The following EPAS1 variants were observed in gnomAD, a reference collection of about 807,000 sequenced individuals.
EPAS1 encodes endothelial PAS domain-containing protein 1.
In EPAS1, 23 loss-of-function variants were observed where a neutral mutation model predicts 87.9. The ratio of observed to expected loss-of-function variants is 0.26; its 90% CI spans 0.19 to 0.37. The LOEUF (loss-of-function observed/expected upper bound fraction) is 0.37, where lower values mean the gene tolerates loss of function less well. EPAS1 is among the 10% of genes least tolerant of loss of function. The pLI, the probability that EPAS1 is intolerant of heterozygous loss-of-function variation, is 1.00. For missense variants in EPAS1, 1,138 were observed against 1,120.7 expected, an observed-to-expected ratio of 1.02 and a Z score of -0.22; for synonymous variants, 508 against 444.3, an observed-to-expected ratio of 1.14 and a Z score of -1.80.
intron 1 of EPAS1, among the ~76,000 whole-genome samples, chr2:46,320,013 T>G (rs1683422730): frequency 6.6e-6 from 1 of 152,352 alleles, no homozygotes; most frequent in African/African-American, 2.4e-5. Flanking sequence ...TCATTTTGTT[T>G]ATAGTTGTCT....
In EPAS1 at chr2:46,380,722, G is replaced by A. The variant is rs770096403; in HGVS notation, c.2045+5G>A. On this transcript the variant is annotated splice_donor_5th_base_variant and intron_variant, in intron 12 of 15. Transcript: ENST00000263734. The surrounding 1 kb of genome is among the most constrained non-coding windows in gnomAD (Gnocchi z 4.4). Reference sequence around the variant, plus strand: ...TGTCTCCACCTTCAAGACAAGGTAAGTGGCAGATACTCAGCTGTACCAGCA... The same window carrying A: ...TGTCTCCACCTTCAAGACAAGGTAAATGGCAGATACTCAGCTGTACCAGCA... 1.1e-5 allele frequency: 17 copies of A among 1,609,262 alleles called. No homozygotes were observed. The African/African-American group carries it at 1.7e-4, about 16-fold the overall frequency.
At chr2:46,345,520 G>A (rs928251698) in intron 1 of EPAS1, among the ~76,000 whole-genome samples, 3 of 152,052 alleles carry the variant, frequency 2.0e-5, no homozygotes, top group Non-Finnish European at 4.4e-5. Flanking sequence ...CCATTTACCT[G>A]CTGGAGGCCA....
Position 46,371,426 on chromosome 2 carries a change from G to A in EPAS1, c.886+1493G>A, listed in dbSNP as rs1684624816. ...TTGACAGTACAACAGGGCCCATTAT[G>A]ATATCTCAGAGAAGTTTCTCACTGT... On this transcript the variant is annotated intron_variant, in intron 7 of 15. Coordinates refer to ENST00000263734, the MANE Select transcript of EPAS1 (RefSeq NM_001430.5). This position sits in a 1 kb window ranked among gnomAD's most constrained non-coding sequence, Gnocchi z 4.3. 6.6e-6 allele frequency among the ~76,000 whole-genome samples: 1 copy of A among 152,092 alleles called. No homozygotes were observed. Among genetic ancestry groups the A allele is most frequent in the African/African-American group, 2.4e-5 (1 of 41,392 alleles).
chr2:46,310,141 T>C (rs1200793923), intron 1 of EPAS1, among the ~76,000 whole-genome samples: 1 of 152,198 alleles, frequency 6.6e-6, no homozygotes, highest in East Asian at 1.9e-4. Context: ...GAGTGGGAGC[T>C]GGAAGAGGAC....
At chr2:46,328,502 C>T (rs1029104500) in intron 1 of EPAS1, among the ~76,000 whole-genome samples, 2 of 152,260 alleles carry the variant, frequency 1.3e-5, no homozygotes, top group South Asian at 2.1e-4. Flanking sequence ...ATCCCCCAAA[C>T]AGTCAGTGAT....
At position 46,297,522 on chromosome 2, in the gene EPAS1, C is replaced by T. The variant is rs1041672359; in HGVS notation, c.-390C>T. 1 of 308,688 alleles carries T rather than the reference C, an allele frequency of 3.2e-6. No homozygotes were observed. The highest frequency in any genetic ancestry group is 6.2e-6 in the Non-Finnish European group (1 of 160,686). The allele number at this position is 308,688 out of a possible 1,614,324, so 19.1% of individuals were successfully genotyped here. A position where few individuals can be genotyped will look rare whatever the true frequency, so the allele number is the denominator to read the frequency against. On this transcript the variant is annotated 5_prime_UTR_variant, in exon 1 of 16. Coordinates refer to ENST00000263734, the MANE Select transcript of EPAS1 (RefSeq NM_001430.5). ...CCTGAGACTGTATGGTCAGCTCAGC[C>T]CGGCCTCCGACTCCTTCCGACTCCC...
intron 13 of EPAS1, 67 bp from the exon 14 acceptor site, chr2:46,381,908 A>AC: frequency 2.0e-6 from 2 of 1,006,540 alleles, no homozygotes; most frequent in Non-Finnish European, 2.9e-6. Context: ...GGCCCACCCA[A>AC]CCCACCCAGT....
intron 1 of EPAS1, among the ~76,000 whole-genome samples, chr2:46,327,331 G>T (rs1008442403): frequency 6.6e-6 from 1 of 152,194 alleles, no homozygotes; most frequent in Non-Finnish European, 1.5e-5. Flanking sequence ...TTAATATACA[G>T]GAGAGTATTA....
chr2:46,305,826 G>A (rs1338630484), intron 1 of EPAS1, among the ~76,000 whole-genome samples: 3 of 152,172 alleles, frequency 2.0e-5, no homozygotes, highest in African/African-American at 7.2e-5. Context: ...AATCAAACAC[G>A]TGGGCAGGAA....
intron 6 of EPAS1, among the ~76,000 whole-genome samples, chr2:46,369,490 G>A (rs1684577837): frequency 6.6e-6 from 1 of 152,196 alleles, no homozygotes; most frequent in Non-Finnish European, 1.5e-5. Flanking sequence ...TCCCTCATCT[G>A]CAAAAACTTG....
At chr2:46,356,599 G>A (rs1180963556) in intron 3 of EPAS1, 125 bp from the exon 4 acceptor site, 1 of 809,522 alleles carries the variant, frequency 1.2e-6, no homozygotes, top group Admixed American at 1.8e-5. Context: ...CACTGGACTG[G>A]GATTATGAGA....
chr2:46,382,080 G>A lies in EPAS1; in HGVS notation c.2278G>A (p.Val760Ile). ...LMPDKPLSAN[V>I]PNDKFTQNPM... ...GCCGGACAAGCCACTGAGCGCAAAT[G>A]TACCCAATGGTGAGCAGCGGCCACA... Residue 760 changes from valine (V) to isoleucine (I), a missense_variant, in exon 14 of 16, where the codon GTA (valine) becomes ATA (isoleucine). This residue lies in a region of EPAS1 where 502 missense variants were observed against 427.1 expected (regional missense o/e 1.18). Transcript: ENST00000263734. 6.2e-7 allele frequency: 1 copy of A among 1,613,906 alleles called. No individual in the cohort carries two copies.
In EPAS1 at chr2:46,375,623, C is replaced by T. The variant is rs142422464; in HGVS notation, c.887-67C>T. ...AGATTAGACTGCCCTCCCATGCGAT[C>T]TGCTGAGCCTGTGGTGCACACCCCT... On this transcript the variant is annotated intron_variant, in intron 7 of 15. Coordinates refer to ENST00000263734, the MANE Select transcript of EPAS1 (RefSeq NM_001430.5). This position sits in a 1 kb window ranked among gnomAD's most constrained non-coding sequence, Gnocchi z 4.1. The T allele has an allele frequency of 6.4e-7, 1 of 1,569,160 alleles. No individual in the cohort carries two copies. The highest frequency in any genetic ancestry group is 2.4e-5 in the East Asian group (1 of 42,380).
rs141366568 is a variant in EPAS1 at position 46,366,983 on chromosome 2, A to G, written c.780-2844A>G. 1.2e-3 allele frequency among the ~76,000 whole-genome samples: 186 copies of G among 152,352 alleles called. 2 individuals are homozygous for G. The highest frequency in any genetic ancestry group is 7.9e-3 in the East Asian group (41 of 5,182). On this transcript the variant is annotated intron_variant, in intron 6 of 15. Coordinates refer to ENST00000263734, the MANE Select transcript of EPAS1 (RefSeq NM_001430.5). ...AGTTTGACAACTCAAATGTTCTTCAATTGTGTTTGGGATGTGGTGTATTTC... is the reference window on the plus strand; with the variant it reads ...AGTTTGACAACTCAAATGTTCTTCAGTTGTGTTTGGGATGTGGTGTATTTC...
intron 1 of EPAS1, among the ~76,000 whole-genome samples, chr2:46,310,321 C>A (rs1186463781): frequency 6.6e-6 from 1 of 152,160 alleles, no homozygotes; most frequent in Non-Finnish European, 1.5e-5. Flanking sequence ...ATTCTGGATT[C>A]TAGGTTTTTG....
Position 46,297,681 on chromosome 2 carries a change from C to G in EPAS1, c.-231C>G, listed in dbSNP as rs750848838. ...AGCCTCCACCCACTCCTTCCCCGGACCCCGCCTCCGCGCGCAGGTTCCTCC... is the reference window on the plus strand; with the variant it reads ...AGCCTCCACCCACTCCTTCCCCGGAGCCCGCCTCCGCGCGCAGGTTCCTCC... On this transcript the variant is annotated 5_prime_UTR_variant, in exon 1 of 16. Coordinates refer to ENST00000263734, the MANE Select transcript of EPAS1 (RefSeq NM_001430.5). 1.7e-4 allele frequency: 98 copies of G among 564,130 alleles called. No homozygotes were observed. The Middle Eastern group carries it at 3.3e-3, about 19-fold the overall frequency. The allele number at this position is 564,130 out of a possible 1,614,324, so 34.9% of individuals were successfully genotyped here. A position where few individuals can be genotyped will look rare whatever the true frequency, so the allele number is the denominator to read the frequency against.
intron 1 of EPAS1, among the ~76,000 whole-genome samples, chr2:46,302,963 C>T (rs1683041325): frequency 6.6e-6 from 1 of 152,088 alleles, no homozygotes; most frequent in South Asian, 2.1e-4. Flanking sequence ...GTCCCAGCTA[C>T]TCAAGAGGCT....
At chr2:46,367,952 T>C (rs1327806743) in intron 6 of EPAS1, among the ~76,000 whole-genome samples, 2 of 152,188 alleles carry the variant, frequency 1.3e-5, no homozygotes. Flanking sequence ...CAGTTAATCA[T>C]ATTATTCTAG....
At chr2:46,356,866 C>CT in intron 4 of EPAS1, 58 bp downstream of exon 4, 1 of 1,255,600 alleles carries the variant, frequency 8.0e-7, no homozygotes, top group East Asian at 2.3e-5. Context: ...TCTGCCTCCC[C>CT]TTTGTCTACG....
Sources: gnomAD v4.1 joint callset for allele counts (sites outside exome capture counted in the v4.1 genomes callset) on GRCh38, gnomAD v4.1.1 for gene constraint, gnomAD v4.1.1 regional missense constraint, Gnocchi (gnomAD v3.1) non-coding constraint, MANE v1.5 for transcripts, NCBI Gene and HGNC (gene_info 2026-07-23, HGNC 2026-07-21) for gene names.